Variants in POLA2 observed in about 807,000 individuals in gnomAD.
POLA2 encodes the protein DNA polymerase alpha subunit B.
POLA2 carries 47 observed loss-of-function variants against 82.8 expected under a neutral mutation model. The observed-to-expected ratio is 0.57, with a 90% CI of 0.45 to 0.72. The LOEUF is 0.72. Among genes scored for constraint, POLA2 ranks in the 30% least tolerant of loss-of-function variants. POLA2 has a pLI of 0.00. For synonymous variants in POLA2, 287 were observed against 286.8 expected (o/e 1.00, Z -0.01); for missense variants, 634 against 728.1 (o/e 0.87, Z 1.49).
rs539510071 is a variant in POLA2 at position 65,295,536 on chromosome 11, C to G, written c.1461-4C>G. On this transcript the variant is annotated splice_region_variant and splice_polypyrimidine_tract_variant and intron_variant, in intron 15 of 17. Coordinates refer to ENST00000265465, the MANE Select transcript of POLA2 (RefSeq NM_002689.4). ...CTGTTTTCATGCTTTCTTTTCTTTCCCAGTTCTTCCGGAACTTCAGACAGA... is the reference window on the plus strand; with the variant it reads ...CTGTTTTCATGCTTTCTTTTCTTTCGCAGTTCTTCCGGAACTTCAGACAGA... The G allele has an allele frequency of 6.2e-7, 1 of 1,613,074 alleles. No individual in the cohort carries two copies. The highest frequency in any genetic ancestry group is 1.1e-5 in the South Asian group (1 of 91,054).
intron 4 of POLA2, among the ~76,000 whole-genome samples, chr11:65,272,542 C>G (rs753575673): frequency 6.6e-6 from 1 of 152,300 alleles, no homozygotes; most frequent in East Asian, 1.9e-4. Flanking sequence ...ATGTCCCTAA[C>G]GGAGAGAATG....
In POLA2 at chr11:65,285,943, T is replaced by C. The variant is rs561268803; in HGVS notation, c.1007-1773T>C. On this transcript the variant is annotated intron_variant, in intron 10 of 17. Coordinates refer to ENST00000265465, the MANE Select transcript of POLA2 (RefSeq NM_002689.4). ...CCTTGAATGCTCTGTCAGTTCATGG[T>C]ATTATTACCATGATAGACTGAATCA... Among the ~76,000 whole-genome samples, 11 of 152,306 alleles carry C rather than the reference T, an allele frequency of 7.2e-5. No homozygotes were observed. In the South Asian group the frequency reaches 2.3e-3, roughly 32 times the overall value.
intron 4 of POLA2, 32 bp downstream of exon 4, chr11:65,268,761 A>G: frequency 7.2e-7 from 1 of 1,388,242 alleles, no homozygotes; most frequent in Non-Finnish European, 9.9e-7. Flanking sequence ...ATTGCATTTT[A>G]CAAGTAACAT....
downstream of POLA2, among the ~76,000 whole-genome samples, chr11:65,303,062 G>A (rs1051436414): frequency 3.3e-5 from 5 of 152,118 alleles, no homozygotes; most frequent in African/African-American, 1.2e-4. Context: ...GAAGGTGGGG[G>A]CCAGGCGCGG....
At chr11:65,296,998 G>A (rs1949817562) in intron 17 of POLA2, 122 bp from the exon 18 acceptor site, 6 of 878,796 alleles carry the variant, frequency 6.8e-6, no homozygotes, top group Non-Finnish European at 1.1e-5. Flanking sequence ...TGATTTGGTT[G>A]CCTTCGTTTC....
chr11:65,268,632 G>A (rs770829819), intron 3 of POLA2, 40 bp from the exon 4 acceptor site: 5 of 1,348,358 alleles, frequency 3.7e-6, no homozygotes, highest in Non-Finnish European at 5.3e-6. Flanking sequence ...ATGAGCTACC[G>A]TGCCCAGCCA....
At position 65,262,344 on chromosome 11, in the gene POLA2, G is replaced by A; in HGVS notation, c.52G>A (p.Asp18Asn). ...GGAGGAGCTGCAGATCTTCGGCCTA[G>A]ACTGCGAGGAGGCTCTAATTGAGAA... ...LAEELQIFGLDCEEALIEKLV... is the reference protein window; with the variant it reads ...LAEELQIFGLNCEEALIEKLV... The change falls in exon 1 of 18, where the codon GAC becomes AAC. Residue 18 changes from aspartate (D) to asparagine (N), a missense_variant. Transcript: ENST00000265465. 16 of 1,613,898 alleles carry A rather than the reference G, an allele frequency of 9.9e-6. No individual in the cohort carries two copies. The highest frequency in any genetic ancestry group is 1.3e-5 in the African/African-American group (1 of 75,060).
At chr11:65,272,805 A>G (rs1328445019) in intron 4 of POLA2, among the ~76,000 whole-genome samples, 2 of 152,068 alleles carry the variant, frequency 1.3e-5, no homozygotes, top group Non-Finnish European at 2.9e-5. Context: ...TGAGGTCAGG[A>G]GTTCAAGACC....
At chr11:65,285,175 G>T (rs1398393399) in intron 10 of POLA2, among the ~76,000 whole-genome samples, 3 of 152,050 alleles carry the variant, frequency 2.0e-5, no homozygotes, top group Non-Finnish European at 4.4e-5. Context: ...GGAGGCCGAG[G>T]TGGGCGGATC....
At chr11:65,283,500 C>T (rs769232131) in intron 10 of POLA2, among the ~76,000 whole-genome samples, 9 of 151,750 alleles carry the variant, frequency 5.9e-5, no homozygotes, top group African/African-American at 1.2e-4. Flanking sequence ...GATGGAGTCT[C>T]GCTCTGCCCC....
chr11:65,272,350 C>T (rs1001417058), intron 4 of POLA2, among the ~76,000 whole-genome samples: 2 of 152,162 alleles, frequency 1.3e-5, no homozygotes, highest in African/African-American at 4.8e-5. Context: ...TCCATACAAA[C>T]AGTGCCAGGC....
In POLA2 at chr11:65,294,662, G is replaced by A. The variant is rs1184515477; in HGVS notation, c.1460+10G>A. 2 of 1,581,288 alleles carry A rather than the reference G, an allele frequency of 1.3e-6. No individual in the cohort carries two copies. The highest frequency in any genetic ancestry group is 1.7e-6 in the Non-Finnish European group (2 of 1,151,548). On this transcript the variant is annotated intron_variant, in intron 15 of 17. Coordinates refer to ENST00000265465, the MANE Select transcript of POLA2 (RefSeq NM_002689.4). ...CCGAGGAGATCAGTAGGTAAGAAGT[G>A]TGTTCCAGGCCCCAAGCAGGATGAC... is the stretch of plus-strand genomic sequence containing the variant.
At chr11:65,287,038 A>T (rs1799799987) in intron 10 of POLA2, among the ~76,000 whole-genome samples, 1 of 152,104 alleles carries the variant, frequency 6.6e-6, no homozygotes, top group Admixed American at 6.5e-5. Flanking sequence ...AAGATTGCAG[A>T]CCCTGGGAGG....
chr11:65,294,414 CA>C, intron 14 of POLA2, 131 bp from the exon 15 acceptor site: 1 of 985,578 alleles, frequency 1.0e-6, no homozygotes. Flanking sequence ...CAAATGTGTC[CA>C]AAAGCTTGAT....
intron 9 of POLA2, 119 bp downstream of exon 9, chr11:65,281,851 A>C (rs1949645000): frequency 2.4e-6 from 2 of 820,606 alleles, no homozygotes; most frequent in Admixed American, 4.1e-5. Flanking sequence ...TCAGTTCTCC[A>C]TCTGTAAGTG....
chr11:65,294,487 T>G, intron 14 of POLA2, 59 bp from the exon 15 acceptor site: 2 of 1,452,126 alleles, frequency 1.4e-6, no homozygotes, highest in Non-Finnish European at 9.6e-7. Flanking sequence ...CCCACTTTCA[T>G]GGGAAGATGT....
chr11:65,290,517 C>T (rs1411049471), intron 13 of POLA2, among the ~76,000 whole-genome samples: 1 of 152,164 alleles, frequency 6.6e-6, no homozygotes, highest in African/African-American at 2.4e-5. Flanking sequence ...GCCTGGGCAA[C>T]AAGAACAAAA....
intron 4 of POLA2, among the ~76,000 whole-genome samples, chr11:65,273,179 G>A (rs1035344759): frequency 6.6e-6 from 1 of 151,654 alleles, no homozygotes; most frequent in Non-Finnish European, 1.5e-5. Flanking sequence ...AATTATCCCG[G>A]CATGGTGGCA....
At position 65,268,669 on chromosome 11, in the gene POLA2, T is replaced by C; in HGVS notation, c.297-3T>C. On this transcript the variant is annotated splice_polypyrimidine_tract_variant and splice_region_variant and intron_variant, in intron 3 of 17. Coordinates refer to ENST00000265465, the MANE Select transcript of POLA2 (RefSeq NM_002689.4). ...TATTGTTTTTCTTAACCAGTGTTCT[T>C]AGAATTGAAGTGGAAGAAGAAGAGG... The C allele has an allele frequency of 6.3e-7, 1 of 1,591,248 alleles. No individual in the cohort carries two copies.
Sources: allele counts gnomAD v4.1 joint callset (sites outside exome capture counted in the v4.1 genomes callset), GRCh38; gene constraint gnomAD v4.1.1; transcripts MANE v1.5; gene names NCBI Gene and HGNC (gene_info 2026-07-23, HGNC 2026-07-21).